TRIM71: variants seen among roughly 807,000 people sequenced by gnomAD.
TRIM71 encodes E3 ubiquitin-protein ligase TRIM71.
A neutral mutation model predicts 61.2 loss-of-function variants in TRIM71; 9 were observed. The observed-to-expected ratio is 0.15, with a 90% CI of 0.09 to 0.26. TRIM71 has a LOEUF of 0.26. Among genes scored for constraint, TRIM71 ranks in the 10% least tolerant of loss-of-function variants. The pLI, the probability that TRIM71 is intolerant of heterozygous loss-of-function variation, is 1.00. For missense variants in TRIM71, 998 were observed against 1,238.7 expected (o/e 0.81, Z 2.92); for synonymous variants, 645 against 553.2 (o/e 1.17, Z -2.33).
intron 2 of TRIM71, 144 bp downstream of exon 2, chr3:32,874,129 C>T (rs1377548409): frequency 7.2e-6 from 6 of 831,878 alleles, no homozygotes; most frequent in African/African-American, 3.4e-5. Context: ...CCTGCAGCAG[C>T]GGTCCCTTTA....
intron 1 of TRIM71, among the ~76,000 whole-genome samples, chr3:32,867,662 A>G (rs1696753264): frequency 6.6e-6 from 1 of 152,150 alleles, no homozygotes; most frequent in African/African-American, 2.4e-5. Context: ...TGAAGTCTGT[A>G]TGCATTGTAG....
At chr3:32,865,058 A>C (rs929354990) in intron 1 of TRIM71, among the ~76,000 whole-genome samples, 2 of 152,098 alleles carry the variant, frequency 1.3e-5, no homozygotes, top group African/African-American at 4.8e-5. Flanking sequence ...GGCCAGGCGC[A>C]GTGGCTCACG....
intron 1 of TRIM71, among the ~76,000 whole-genome samples, chr3:32,836,631 A>C (rs575098027): frequency 6.6e-6 from 1 of 152,372 alleles, no homozygotes; most frequent in East Asian, 1.9e-4. Flanking sequence ...TATTTAGAAC[A>C]AATAACGAGC....
rs111832998 is a variant in TRIM71 at position 32,819,634 on chromosome 3, C to G, written c.852+702C>G. On this transcript the variant is annotated intron_variant, in intron 1 of 3. Coordinates refer to ENST00000383763, the MANE Select transcript of TRIM71 (RefSeq NM_001039111.3). ...TATTGTTTAAAATGCGTGTTCTGGCCCCTGAATTCTCCTAGCGTGAAATCG... is the reference window on the plus strand; with the variant it reads ...TATTGTTTAAAATGCGTGTTCTGGCGCCTGAATTCTCCTAGCGTGAAATCG... 8.4e-3 allele frequency among the ~76,000 whole-genome samples: 1,279 copies of G among 152,276 alleles called. 12 individuals carry two copies. Among genetic ancestry groups the G allele is most frequent in the Middle Eastern group, 0.02 (6 of 294 alleles).
chr3:32,873,808 T>G lies in TRIM71; in HGVS notation c.853-10T>G, dbSNP rs765839896. 25 of 1,553,854 alleles carry G rather than the reference T, an allele frequency of 1.6e-5. 1 individual carries two copies. In the South Asian group the frequency reaches 3.1e-4, roughly 19 times the overall value. ...TCTCCATTTATGCCTGTACCCTCTCTTGTCCCCAGGTGCTGCACCTGTACT... is the reference window on the plus strand; with the variant it reads ...TCTCCATTTATGCCTGTACCCTCTCGTGTCCCCAGGTGCTGCACCTGTACT... On this transcript the variant is annotated splice_polypyrimidine_tract_variant and intron_variant, in intron 1 of 3. Coordinates refer to ENST00000383763, the MANE Select transcript of TRIM71 (RefSeq NM_001039111.3).
chr3:32,827,789 G>A (rs1696221536), intron 1 of TRIM71, among the ~76,000 whole-genome samples: 1 of 152,106 alleles, frequency 6.6e-6, no homozygotes, highest in Non-Finnish European at 1.5e-5. Context: ...CAGGTCAGGC[G>A]CCTCTGAGAA....
intron 1 of TRIM71, among the ~76,000 whole-genome samples, chr3:32,837,290 C>T (rs1476012334): frequency 6.6e-6 from 1 of 152,110 alleles, no homozygotes; most frequent in Non-Finnish European, 1.5e-5. Flanking sequence ...TATGTCTGTG[C>T]CACCACCACC....
chr3:32,867,300 A>C (rs1366042507), intron 1 of TRIM71, among the ~76,000 whole-genome samples: 1 of 152,196 alleles, frequency 6.6e-6, no homozygotes, highest in Non-Finnish European at 1.5e-5. Context: ...TAATACATAT[A>C]ATGGGACTGC....
At chr3:32,824,072 A>C (rs949691577) in intron 1 of TRIM71, among the ~76,000 whole-genome samples, 1 of 152,034 alleles carries the variant, frequency 6.6e-6, no homozygotes, top group Admixed American at 6.6e-5. Flanking sequence ...GACTTGTCTC[A>C]AAAAAAGAAA....
chr3:32,886,116 T>C, intron 3 of TRIM71, 48 bp downstream of exon 3: 1 of 1,583,642 alleles, frequency 6.3e-7, no homozygotes, highest in East Asian at 2.2e-5. Context: ...TCGGCTTCCA[T>C]GAACCTCAGC....
chr3:32,842,927 C>T (rs1277158097), intron 1 of TRIM71, among the ~76,000 whole-genome samples: 5 of 152,076 alleles, frequency 3.3e-5, no homozygotes, highest in African/African-American at 4.8e-5. Flanking sequence ...AAATGACCCT[C>T]TCTCAGGGCA....
chr3:32,882,906 C>A (rs1477635080), intron 2 of TRIM71, among the ~76,000 whole-genome samples: 1 of 152,196 alleles, frequency 6.6e-6, no homozygotes, highest in Non-Finnish European at 1.5e-5. Flanking sequence ...TCAGATCTTG[C>A]CACTCTCAGA....
intron 1 of TRIM71, among the ~76,000 whole-genome samples, chr3:32,856,662 G>A (rs950219601): frequency 6.6e-5 from 10 of 152,190 alleles, no homozygotes; most frequent in Non-Finnish European, 1.5e-4. Flanking sequence ...TCATCATTCA[G>A]CATGCTTTCT....
At position 32,828,997 on chromosome 3, in the gene TRIM71, AT is replaced by A. The variant is rs747345127; in HGVS notation, c.852+10079del. Among the ~76,000 whole-genome samples, 760 of 138,496 alleles carry A rather than the reference AT, an allele frequency of 5.5e-3. 4 individuals are homozygous for A. The highest frequency in any genetic ancestry group is 0.014 in the African/African-American group (520 of 37,568). 90.9% of individuals were successfully genotyped at this position (138,496 alleles called of 152,430 possible). ...CACTGTCCCCCACTAGAAAGCACTA[AT>A]TTTTTTTTTTTTTGACACGGACTTT... On this transcript the variant is annotated intron_variant, in intron 1 of 3. Transcript: ENST00000383763.
intron 2 of TRIM71, 89 bp downstream of exon 2, chr3:32,874,074 A>ACCCCCCACACTGGAATCT: frequency 7.1e-7 from 1 of 1,408,394 alleles, no homozygotes; most frequent in Non-Finnish European, 9.6e-7. Flanking sequence ...GGCAGATTCC[A>ACCCCCCACACTGGAATCT]GTGTGGGGGG....
In TRIM71 at chr3:32,818,172, C is replaced by T. The variant is rs1284071688; in HGVS notation, c.92C>T (p.Ala31Val). Reference protein sequence around the residue: ...SPAPLSSNSSASSSSSQTSTS... With the variant: ...SPAPLSSNSSVSSSSSQTSTS... ...GCGCCGCTCTCCTCCAACTCGTCCG[C>T]GTCGTCGTCCTCCTCGCAGACGTCC... Residue 31 changes from alanine to valine, a missense_variant, in exon 1 of 4, where the codon GCG (alanine) becomes GTG (valine). Physicochemically the swap from Ala to Val is moderately conservative, Grantham distance 64 (BLOSUM62 0). This residue lies in a region of TRIM71 where 527 missense variants were observed against 427.8 expected (regional missense o/e 1.23). Transcript: ENST00000383763. 1 of 1,601,912 alleles carries T rather than the reference C, an allele frequency of 6.2e-7. No homozygotes were observed. The highest frequency in any genetic ancestry group is 8.5e-7 in the Non-Finnish European group (1 of 1,175,056).
At chr3:32,847,115 C>T (rs1289658237) in intron 1 of TRIM71, among the ~76,000 whole-genome samples, 7 of 151,874 alleles carry the variant, frequency 4.6e-5, no homozygotes, top group Admixed American at 2.0e-4. Flanking sequence ...ACCTCCGCCT[C>T]CCAGGTTCAA....
chr3:32,853,471 T>G (rs1407306730), intron 1 of TRIM71, among the ~76,000 whole-genome samples: 4 of 152,190 alleles, frequency 2.6e-5, no homozygotes, highest in African/African-American at 9.7e-5. Context: ...TTAACCATTA[T>G]TAACTAGTAC....
At chr3:32,820,952 GTTGT>G (rs1696120513) in intron 1 of TRIM71, among the ~76,000 whole-genome samples, 1 of 152,166 alleles carries the variant, frequency 6.6e-6, no homozygotes, top group African/African-American at 2.4e-5. Context: ...CATTTCGGAA[GTTGT>G]TTGGCCTTTT....
Sources: gnomAD v4.1 joint callset for allele counts (sites outside exome capture counted in the v4.1 genomes callset) on GRCh38, gnomAD v4.1.1 for gene constraint, gnomAD v4.1.1 regional missense constraint, MANE v1.5 for transcripts, NCBI Gene and HGNC (gene_info 2026-07-23, HGNC 2026-07-21) for gene names.